DYNC2I1: variants seen among roughly 807,000 people sequenced by gnomAD.
The protein encoded by DYNC2I1 is dynein 2 intermediate chain 1.
A neutral mutation model predicts 133.4 loss-of-function variants in DYNC2I1; 89 were observed. The ratio of observed to expected loss-of-function variants is 0.67; its 90% CI spans 0.56 to 0.80. The LOEUF (loss-of-function observed/expected upper bound fraction) is 0.80, where lower values mean the gene tolerates loss of function less well. DYNC2I1 is among the 30% of genes least tolerant of loss of function. DYNC2I1 has a pLI of 0.00. For missense variants in DYNC2I1, 1,291 were observed against 1,314.5 expected (o/e 0.98, Z 0.28); for synonymous variants, 504 against 484.3 (o/e 1.04, Z -0.54).
At chr7:158,840,211 C>T in the DYNC2I1 span, among the ~76,000 whole-genome samples, 1 of 151,444 alleles carries the variant, frequency 6.6e-6, no homozygotes, top group Non-Finnish European at 1.5e-5. Context: ...GTGGGAGGAT[C>T]GAGACCAGCC....
chr7:158,855,155 A>G (rs1841152271), upstream of DYNC2I1, among the ~76,000 whole-genome samples: 2 of 152,268 alleles, frequency 1.3e-5, no homozygotes, highest in Non-Finnish European at 2.9e-5. Context: ...GCAGGAGACT[A>G]GAGTTTTATT....
the DYNC2I1 span, among the ~76,000 whole-genome samples, chr7:158,851,450 A>G: frequency 4.9e-5 from 7 of 143,822 alleles, no homozygotes; most frequent in Non-Finnish European, 3.0e-5. Context: ...TGAACCTAGG[A>G]GGCGGAGGTT....
At position 158,914,308 on chromosome 7, in the gene DYNC2I1, G is replaced by A. The variant is rs58538724; in HGVS notation, c.1778G>A (p.Arg593Gln). 462 of 1,610,640 alleles carry A rather than the reference G, an allele frequency of 2.9e-4. No individual in the cohort carries two copies. In the African/African-American group the frequency reaches 5.6e-3, roughly 20 times the overall value. ...ACTCCAAGGTTATGTAGCTTTCTGC[G>A]GGCTGCTTGTCAGGTATACTCAACC... is the stretch of plus-strand genomic sequence containing the variant. The part of the protein sequence containing the change: ...IDTPRLCSFL[R>Q]AACQVMAVLL... Residue 593 changes from arginine to glutamine, a missense_variant, in exon 14 of 25, where the codon CGG (arginine) becomes CAG (glutamine). By Grantham distance (43) the Arg-to-Gln change is conservative (BLOSUM62 1). Coordinates refer to ENST00000407559, the MANE Select transcript of DYNC2I1 (RefSeq NM_018051.5).
At chr7:158,850,885 C>T in the DYNC2I1 span, among the ~76,000 whole-genome samples, 2 of 151,928 alleles carry the variant, frequency 1.3e-5, no homozygotes, top group Non-Finnish European at 2.9e-5. Context: ...CTCTTTTTCC[C>T]CAGGACTCTA....
chr7:158,875,256 G>C (rs953856949), intron 3 of DYNC2I1, among the ~76,000 whole-genome samples: 1 of 151,882 alleles, frequency 6.6e-6, no homozygotes, highest in African/African-American at 2.4e-5. Flanking sequence ...CACGACGCCC[G>C]GCTAATTTTT....
At chr7:158,917,432 TCC>T (rs1278055165) in intron 14 of DYNC2I1, among the ~76,000 whole-genome samples, 83 of 54,224 alleles carry the variant, frequency 1.5e-3, no homozygotes, top group African/African-American at 1.9e-3. Context: ...CACTCCACCC[TCC>T]GCCTCTCGCT....
chr7:158,868,755 G>A (rs1228169733), intron 1 of DYNC2I1, among the ~76,000 whole-genome samples: 1 of 152,196 alleles, frequency 6.6e-6, no homozygotes, highest in African/African-American at 2.4e-5. Flanking sequence ...CACAGGTGTC[G>A]TTTCTGTTCC....
intron 1 of DYNC2I1, among the ~76,000 whole-genome samples, chr7:158,864,157 C>G (rs184740082): frequency 6.6e-6 from 1 of 151,586 alleles, no homozygotes; most frequent in South Asian, 2.1e-4. Context: ...CTGGGTGTGG[C>G]GGGGAATGAG....
chr7:158,890,522 C>A (rs1000074148), intron 7 of DYNC2I1, among the ~76,000 whole-genome samples: 10 of 151,998 alleles, frequency 6.6e-5, no homozygotes, highest in Non-Finnish European at 8.8e-5. Flanking sequence ...ATGGGAAGTT[C>A]TTTTTCTATT....
At chr7:158,909,276 A>C (rs1053383718) in intron 11 of DYNC2I1, among the ~76,000 whole-genome samples, 1 of 142,396 alleles carries the variant, frequency 7.0e-6, no homozygotes, top group Non-Finnish European at 1.5e-5. Context: ...GGTTGCAGCG[A>C]GCTGAGATCG....
At chr7:158,916,785 G>A (rs1162251641) in intron 14 of DYNC2I1, among the ~76,000 whole-genome samples, 1 of 22,364 alleles carries the variant, frequency 4.5e-5, no homozygotes, top group Non-Finnish European at 8.1e-5. Context: ...GTGAAACGTC[G>A]ACACGCTGGT....
chr7:158,893,074 G>A (rs142826510), intron 8 of DYNC2I1, among the ~76,000 whole-genome samples: 57 of 152,018 alleles, frequency 3.7e-4, no homozygotes, highest in African/African-American at 1.3e-3. Context: ...ATGAGCCTAC[G>A]TTGATGTGTC....
chr7:158,845,682 A>G, the DYNC2I1 span, among the ~76,000 whole-genome samples: 1 of 152,230 alleles, frequency 6.6e-6, no homozygotes, highest in African/African-American at 2.4e-5. Flanking sequence ...TTCATAGACT[A>G]TAAAGATGGT....
chr7:158,900,736 T>G (rs1201575553), intron 8 of DYNC2I1, among the ~76,000 whole-genome samples: 3 of 151,508 alleles, frequency 2.0e-5, no homozygotes, highest in East Asian at 1.9e-4. Flanking sequence ...GTTCTGTTTT[T>G]TTTTTTTTTT....
chr7:158,915,603 T>G (rs1848073544), intron 14 of DYNC2I1, among the ~76,000 whole-genome samples: 2 of 146,660 alleles, frequency 1.4e-5, no homozygotes, highest in African/African-American at 5.1e-5. Flanking sequence ...TAAGGATGAT[T>G]GTGAAACATC....
chr7:158,886,952 G>C (rs1329097498), intron 6 of DYNC2I1, 69 bp from the exon 7 acceptor site: 4 of 1,442,736 alleles, frequency 2.8e-6, no homozygotes, highest in Non-Finnish European at 3.9e-6. Context: ...CACTGATATG[G>C]AAAATGTTTT....
At chr7:158,858,730 T>G (rs1373738263) in intron 1 of DYNC2I1, among the ~76,000 whole-genome samples, 13 of 151,968 alleles carry the variant, frequency 8.6e-5, no homozygotes, top group African/African-American at 3.1e-4. Flanking sequence ...TGCTTCTGGG[T>G]TAGGCCTACT....
At chr7:158,941,805 G>T in intron 23 of DYNC2I1, 120 bp from the exon 24 acceptor site, 1 of 1,136,296 alleles carries the variant, frequency 8.8e-7, no homozygotes, top group Non-Finnish European at 1.3e-6. Flanking sequence ...TTGAGCCCGG[G>T]AGGTCAAGCT....
At chr7:158,928,034 C>T (rs2129487214) in intron 20 of DYNC2I1, among the ~76,000 whole-genome samples, 1 of 152,260 alleles carries the variant, frequency 6.6e-6, no homozygotes, top group East Asian at 1.9e-4. Flanking sequence ...GATTTACAAC[C>T]CCAGGGTGTA....
Sources: gnomAD v4.1 joint callset for allele counts (sites outside exome capture counted in the v4.1 genomes callset) on GRCh38, gnomAD v4.1.1 for gene constraint, MANE v1.5 for transcripts, NCBI Gene and HGNC (gene_info 2026-07-23, HGNC 2026-07-21) for gene names.